The following ZYG11A variants were observed in gnomAD, a reference collection of about 807,000 sequenced individuals.
The protein encoded by ZYG11A is protein zyg-11 homolog A.
A neutral mutation model predicts 77.2 loss-of-function variants in ZYG11A; 62 were observed. That is an observed-to-expected ratio of 0.80 (90% CI 0.65 to 0.99). The LOEUF is 0.99. Among genes scored for constraint, ZYG11A ranks in the 50% least tolerant of loss-of-function variants. The pLI, the probability that ZYG11A is intolerant of heterozygous loss-of-function variation, is 0.00. For missense variants in ZYG11A, 828 were observed against 896.8 expected (o/e 0.92, Z 0.98); for synonymous variants, 315 against 324.6 (o/e 0.97, Z 0.32).
intron 3 of ZYG11A, among the ~76,000 whole-genome samples, chr1:52,858,606 G>A (rs111643591): frequency 0.015 from 2,185 of 148,560 alleles, 65 homozygotes; most frequent in African/African-American, 0.053. Context: ...CGCCCGGCCC[G>A]ATTATTATTA....
rs1210387475 is a variant in ZYG11A, at chr1:52,893,774, G to C, written c.*817G>C. 6.7e-6 allele frequency: 1 copy of C among 149,372 alleles called. No individual in the cohort carries two copies. The allele number at this position is 149,372 out of a possible 1,614,324, so 9.3% of individuals were successfully genotyped here. ...AGTGAGACCTCATCTCAAATGAATAGAGGGGTGGAGAAAAGAGAAATATAT... is the reference window on the plus strand; with the variant it reads ...AGTGAGACCTCATCTCAAATGAATACAGGGGTGGAGAAAAGAGAAATATAT... On this transcript the variant is annotated 3_prime_UTR_variant, in exon 14 of 14. Transcript: ENST00000371528.
chr1:52,870,970 C>T (rs1337431191), intron 8 of ZYG11A, among the ~76,000 whole-genome samples: 1 of 152,050 alleles, frequency 6.6e-6, no homozygotes, highest in Non-Finnish European at 1.5e-5. Flanking sequence ...TGTATTTTCT[C>T]CCATTTTACT....
intron 13 of ZYG11A, among the ~76,000 whole-genome samples, chr1:52,889,501 G>A (rs1301849602): frequency 6.6e-6 from 1 of 151,274 alleles, no homozygotes; most frequent in Non-Finnish European, 1.5e-5. Flanking sequence ...CAGGCTGGTT[G>A]TGAACTCCTG....
chr1:52,858,920 CTGT>C (rs1184626400), intron 3 of ZYG11A, among the ~76,000 whole-genome samples: 4 of 152,080 alleles, frequency 2.6e-5, no homozygotes, highest in African/African-American at 9.7e-5. Flanking sequence ...TGGCCCAGAG[CTGT>C]TGTTTTAAAG....
rs1048678685 is a variant in ZYG11A, at chr1:52,858,221, A to T, written c.1008+472A>T. On this transcript the variant is annotated intron_variant, in intron 3 of 13. Transcript: ENST00000371528. The stretch of plus-strand genomic sequence containing the variant: ...AGACCAGCCTGGCCAACATGGTGAA[A>T]CCTGGTCTCTACTAAAAATACAAAA... 2.8e-4 allele frequency among the ~76,000 whole-genome samples: 41 copies of T among 148,948 alleles called. 1 individual carries two copies. Among genetic ancestry groups the T allele is most frequent in the Admixed American group, 1.3e-3 (19 of 15,048 alleles).
At chr1:52,849,971 A>C (rs541172311) in intron 1 of ZYG11A, among the ~76,000 whole-genome samples, 1 of 152,196 alleles carries the variant, frequency 6.6e-6, no homozygotes, top group Non-Finnish European at 1.5e-5. Flanking sequence ...GGCGTGAGCC[A>C]CCACACCTGG....
At chr1:52,892,710 G>A in intron 13 of ZYG11A, 72 bp from the exon 14 acceptor site, 1 of 1,290,290 alleles carries the variant, frequency 7.8e-7, no homozygotes, top group Non-Finnish European at 1.1e-6. Context: ...CTTCAGCAAG[G>A]TGAATGTGGT....
chr1:52,890,086 C>G (rs1358469449), intron 13 of ZYG11A, among the ~76,000 whole-genome samples: 2 of 148,396 alleles, frequency 1.3e-5, no homozygotes, highest in Non-Finnish European at 3.0e-5. Flanking sequence ...TTTTAACCCC[C>G]ACCACTCCTT....
At chr1:52,858,475 T>A (rs1645860439) in intron 3 of ZYG11A, among the ~76,000 whole-genome samples, 1 of 150,456 alleles carries the variant, frequency 6.6e-6, no homozygotes, top group South Asian at 2.1e-4. Flanking sequence ...CCAGCTAGTT[T>A]TTTATTTTTA....
Position 52,857,147 on chromosome 1 carries a change from C to G in ZYG11A, c.406C>G (p.His136Asp). 6.4e-7 allele frequency: 1 copy of G among 1,551,938 alleles called. No individual in the cohort carries two copies. The highest frequency in any genetic ancestry group is 8.7e-7 in the Non-Finnish European group (1 of 1,147,058). ...KLIELNATAV[H>D]ADLPVPDIIS... ...CATTGAACTGAATGCTACTGCAGTG[C>G]ACGCTGACCTCCCAGTTCCAGACAT... The change falls in exon 3 of 14, where the codon CAC becomes GAC. Residue 136 changes from histidine to aspartate, a missense_variant. By Grantham distance (81) the His-to-Asp change is moderately conservative. Transcript: ENST00000371528.
At chr1:52,886,257 G>A (rs999090204) in intron 12 of ZYG11A, among the ~76,000 whole-genome samples, 4 of 152,044 alleles carry the variant, frequency 2.6e-5, no homozygotes, top group Non-Finnish European at 5.9e-5. Context: ...CTTAAAGGCT[G>A]TACTCAGTGA....
rs545240927 is a variant in ZYG11A, at chr1:52,844,706, T to A, written c.90+1733T>A. ...CTTGATACTATTGTAAATACTTTTTTTTTTTGAGACGGAGTCTCCCAAAGT... is the reference window on the plus strand; with the variant it reads ...CTTGATACTATTGTAAATACTTTTTATTTTTGAGACGGAGTCTCCCAAAGT... On this transcript the variant is annotated intron_variant, in intron 1 of 13. Transcript: ENST00000371528. Among the ~76,000 whole-genome samples the A allele has an allele frequency of 5.2e-3, 788 of 152,124 alleles. 8 individuals carry two copies. Among genetic ancestry groups the A allele is most frequent in the African/African-American group, 0.018 (763 of 41,544 alleles).
chr1:52,848,115 T>C (rs1016443203), intron 1 of ZYG11A, among the ~76,000 whole-genome samples: 1 of 152,122 alleles, frequency 6.6e-6, no homozygotes, highest in Non-Finnish European at 1.5e-5. Context: ...GTGATCCGCC[T>C]GCCTCAGTCT....
intron 10 of ZYG11A, among the ~76,000 whole-genome samples, chr1:52,879,255 AGGTGAT>A (rs1216717272): frequency 1.3e-5 from 2 of 152,220 alleles, no homozygotes; most frequent in African/African-American, 4.8e-5. Context: ...AAATATGTCA[AGGTGAT>A]GGTGCTCATA....
intron 2 of ZYG11A, 57 bp downstream of exon 2, chr1:52,854,687 A>G: frequency 1.5e-6 from 2 of 1,367,858 alleles, no homozygotes; most frequent in Non-Finnish European, 1.9e-6. Context: ...TTTGAAAAGC[A>G]CTTTTACACA....
chr1:52,877,960 T>A lies in ZYG11A; in HGVS notation c.1740T>A (p.Leu580=), dbSNP rs1175888791. 6.4e-7 allele frequency: 1 copy of A among 1,551,576 alleles called. No individual in the cohort carries two copies. The highest frequency in any genetic ancestry group is 8.7e-7 in the Non-Finnish European group (1 of 1,146,964). ...FSESAIQSKV[L]GLLNNIAEVR... The stretch of plus-strand genomic sequence containing the variant: ...AGTCAGCAATACAAAGCAAAGTACT[T>A]GGTCTTTTGGTAAGGTGAATTGTTT... The change falls in exon 10 of 14, where the codon CTT becomes CTA. Residue 580 remains leucine, a synonymous_variant. Coordinates refer to ENST00000371528, the MANE Select transcript of ZYG11A (RefSeq NM_001004339.3).
At chr1:52,859,822 C>T (rs1645893049) in intron 3 of ZYG11A, among the ~76,000 whole-genome samples, 1 of 151,316 alleles carries the variant, frequency 6.6e-6, no homozygotes, top group African/African-American at 2.4e-5. Flanking sequence ...GGACTATAGG[C>T]GTGCACCACC....
rs921257630 is a variant in ZYG11A, at chr1:52,844,211, A to G, written c.90+1238A>G. 5.9e-5 allele frequency among the ~76,000 whole-genome samples: 9 copies of G among 152,158 alleles called. 1 individual carries two copies. The highest frequency in any genetic ancestry group is 2.1e-4 in the South Asian group (1 of 4,834). On this transcript the variant is annotated intron_variant, in intron 1 of 13. Transcript: ENST00000371528. ...GATTGAGTGGTGAAGGCTCGACCCA[A>G]AATTTATGGAGAGAAGGAAATGTTC...
intron 4 of ZYG11A, among the ~76,000 whole-genome samples, chr1:52,861,965 T>A (rs1645935740): frequency 6.6e-6 from 1 of 151,828 alleles, no homozygotes; most frequent in Admixed American, 6.6e-5. Context: ...TCCCAGCACT[T>A]TTTGGGAGGC....
Sources: gnomAD v4.1 joint callset for allele counts (sites outside exome capture counted in the v4.1 genomes callset) on GRCh38, gnomAD v4.1.1 for gene constraint, MANE v1.5 for transcripts, NCBI Gene and HGNC (gene_info 2026-07-23, HGNC 2026-07-21) for gene names.